Variants in CACNA1D observed in about 807,000 individuals in gnomAD.
CACNA1D encodes the protein calcium voltage-gated channel subunit alpha1 D.
In CACNA1D, 55 loss-of-function variants were observed where a neutral mutation model predicts 257.1. The ratio of observed to expected loss-of-function variants is 0.21; its 90% CI spans 0.17 to 0.27. The LOEUF is 0.27. Among genes scored for constraint, CACNA1D ranks in the 10% least tolerant of loss-of-function variants. The pLI, the probability that CACNA1D is intolerant of heterozygous loss-of-function variation, is 1.00. For synonymous variants in CACNA1D, 980 were observed against 1,014.9 expected, an observed-to-expected ratio of 0.97 and a Z score of 0.65; for missense variants, 1,876 against 2,784.0, an observed-to-expected ratio of 0.67 and a Z score of 7.34.
intron 8 of CACNA1D, among the ~76,000 whole-genome samples, chr3:53,683,755 G>T (rs1263883895): frequency 6.6e-6 from 1 of 152,144 alleles, no homozygotes; most frequent in African/African-American, 2.4e-5. Flanking sequence ...AAGTAGACTG[G>T]ACATTGCAGA....
At chr3:53,679,832 T>A (rs1371704887) in intron 8 of CACNA1D, 2 of 152,160 alleles carry the variant, frequency 1.3e-5, no homozygotes, top group East Asian at 1.9e-4. Flanking sequence ...GTGAATGGAG[T>A]TGAATGCTGA....
At position 53,711,110 on chromosome 3, in the gene CACNA1D, G is replaced by A. The variant is rs189614358; in HGVS notation, c.1391-7191G>A. 1.0e-3 allele frequency among the ~76,000 whole-genome samples: 153 copies of A among 152,302 alleles called. 3 individuals are homozygous for A. In the South Asian group the frequency reaches 0.031, roughly 31 times the overall value. ...GAAGCAAACAAAAAAATCAGGTGTG[G>A]TGGTGCATGCCTATAGTCCCCAGCT... On this transcript the variant is annotated intron_variant, in intron 9 of 47. Transcript: ENST00000350061.
chr3:53,509,680 A>T (rs1445771744), intron 3 of CACNA1D, among the ~76,000 whole-genome samples: 46 of 152,020 alleles, frequency 3.0e-4, no homozygotes, highest in Admixed American at 3.0e-3. Context: ...GCCCTGTAGG[A>T]GCCCAGCCAG....
intron 3 of CACNA1D, among the ~76,000 whole-genome samples, chr3:53,553,060 C>G (rs1217812096): frequency 6.6e-6 from 1 of 152,214 alleles, no homozygotes; most frequent in Non-Finnish European, 1.5e-5. Context: ...CAGCTACCTG[C>G]ACGTGCATGA....
At chr3:53,715,279 G>C (rs2094806207) in intron 9 of CACNA1D, among the ~76,000 whole-genome samples, 1 of 152,034 alleles carries the variant, frequency 6.6e-6, no homozygotes, top group Non-Finnish European at 1.5e-5. Flanking sequence ...CATCTTTTTG[G>C]GATATATTTA....
intron 3 of CACNA1D, among the ~76,000 whole-genome samples, chr3:53,583,680 T>C (rs2093168428): frequency 1.3e-5 from 2 of 152,186 alleles, no homozygotes; most frequent in African/African-American, 4.8e-5. Context: ...TCAAAAGCTC[T>C]GCCAGATGGA....
At chr3:53,505,244 G>C (rs2090787674) in intron 3 of CACNA1D, among the ~76,000 whole-genome samples, 1 of 151,684 alleles carries the variant, frequency 6.6e-6, no homozygotes, top group Admixed American at 6.6e-5. Context: ...GAGTAGCTGG[G>C]ACTACAGACG....
chr3:53,540,584 CCTTT>C (rs1287037932), intron 3 of CACNA1D, among the ~76,000 whole-genome samples: 6 of 151,922 alleles, frequency 3.9e-5, no homozygotes, highest in East Asian at 1.9e-4. Flanking sequence ...TATATCTTTG[CCTTT>C]CTATTTAAAT....
intron 39 of CACNA1D, chr3:53,782,264 G>GTGTATATATATATATATATATATATATA (rs6147823): frequency 1.3e-5 from 1 of 75,450 alleles, no homozygotes; most frequent in African/African-American, 6.3e-5. Flanking sequence ...GTGTGTGTGT[G>GTGTATATATATATATATATATATATATA]TATATATATA....
intron 4 of CACNA1D, among the ~76,000 whole-genome samples, chr3:53,652,477 C>T (rs548284453): frequency 1.8e-4 from 27 of 152,258 alleles, no homozygotes; most frequent in Admixed American, 3.9e-4. Flanking sequence ...GGCTAAGCTA[C>T]GCCTACACGG....
At chr3:53,737,340 C>G (rs2108797309) in intron 20 of CACNA1D, among the ~76,000 whole-genome samples, 1 of 152,204 alleles carries the variant, frequency 6.6e-6, no homozygotes, top group African/African-American at 2.4e-5. Context: ...CTTGTCATTT[C>G]CTAAATAATT....
chr3:53,704,437 GCTAA>G (rs1210425419), intron 9 of CACNA1D, among the ~76,000 whole-genome samples: 2 of 152,202 alleles, frequency 1.3e-5, no homozygotes, highest in Non-Finnish European at 2.9e-5. Context: ...GGTTTCTAGA[GCTAA>G]CTGTTTGCTG....
intron 3 of CACNA1D, among the ~76,000 whole-genome samples, chr3:53,521,576 C>A (rs568071618): frequency 6.6e-6 from 1 of 152,202 alleles, no homozygotes; most frequent in South Asian, 2.1e-4. Flanking sequence ...TTGGGACATT[C>A]TCAGTTTCCA....
At chr3:53,634,532 G>A (rs1386336770) in intron 3 of CACNA1D, among the ~76,000 whole-genome samples, 2 of 152,152 alleles carry the variant, frequency 1.3e-5, no homozygotes, top group Non-Finnish European at 2.9e-5. Context: ...TTGCTAGTAT[G>A]TCCCCTTGGT....
chr3:53,503,184 A>G (rs1038935835), intron 3 of CACNA1D, among the ~76,000 whole-genome samples: 1 of 152,234 alleles, frequency 6.6e-6, no homozygotes, highest in Admixed American at 6.5e-5. Context: ...AGAATTTTCT[A>G]AAAATTTTGG....
Position 53,717,090 on chromosome 3 carries a change from C to T in CACNA1D, c.1391-1211C>T, listed in dbSNP as rs527657853. ...GGCATCCTTGCTAAGGGGAGCCACA[C>T]GGGCAGAGCCCATGGGCCAAGCTTT... On this transcript the variant is annotated intron_variant, in intron 9 of 47. Coordinates refer to ENST00000350061, the MANE Select transcript of CACNA1D (RefSeq NM_001128840.3). Among the ~76,000 whole-genome samples, 18 of 152,358 alleles carry T rather than the reference C, an allele frequency of 1.2e-4. 1 individual carries two copies. Among genetic ancestry groups the T allele is most frequent in the Admixed American group, 2.0e-4 (3 of 15,310 alleles).
In CACNA1D at chr3:53,589,377, G is replaced by A. The variant is rs117903558; in HGVS notation, c.484-61402G>A. ...GTTCATGTTCTGTGAGCTCTCAGCC[G>A]TCCCGAGTGTGTGGCTGTCCCTGCA... On this transcript the variant is annotated intron_variant, in intron 3 of 47. Coordinates refer to ENST00000350061, the MANE Select transcript of CACNA1D (RefSeq NM_001128840.3). 7.0e-3 allele frequency among the ~76,000 whole-genome samples: 1,062 copies of A among 152,160 alleles called. 31 individuals carry two copies. The East Asian group carries it at 0.094, about 13-fold the overall frequency.
In CACNA1D at chr3:53,723,711, C is replaced by T. The variant is rs776940960; in HGVS notation, c.1892+52C>T. On this transcript the variant is annotated intron_variant, in intron 13 of 47. Coordinates refer to ENST00000350061, the MANE Select transcript of CACNA1D (RefSeq NM_001128840.3). This position sits in a 1 kb window ranked among gnomAD's most constrained non-coding sequence, Gnocchi z 5.6. ...ATGTTTTATGAACATGAGGCGGCAA[C>T]CAGTCACATCCCCGGGCAGGTGATG... 6.3e-7 allele frequency: 1 copy of T among 1,587,738 alleles called. No individual in the cohort carries two copies. The highest frequency in any genetic ancestry group is 8.7e-7 in the Non-Finnish European group (1 of 1,155,926).
intron 3 of CACNA1D, among the ~76,000 whole-genome samples, chr3:53,625,557 T>C (rs752702474): frequency 6.6e-6 from 1 of 152,140 alleles, no homozygotes; most frequent in Non-Finnish European, 1.5e-5. Flanking sequence ...GGAGCATTCA[T>C]GACATCGTTC....
Sources: gnomAD v4.1 joint callset for allele counts (sites outside exome capture counted in the v4.1 genomes callset) on GRCh38, gnomAD v4.1.1 for gene constraint, Gnocchi (gnomAD v3.1) non-coding constraint, MANE v1.5 for transcripts, NCBI Gene and HGNC (gene_info 2026-07-23, HGNC 2026-07-21) for gene names.